FBXW10B: variants seen among roughly 807,000 people sequenced by gnomAD.
The protein encoded by FBXW10B is F-box and WD repeat domain containing 10B.
the FBXW10B span, among the ~76,000 whole-genome samples, chr17:15,569,717 G>A: frequency 9.2e-5 from 14 of 151,716 alleles, no homozygotes; most frequent in Non-Finnish European, 1.5e-4. Context: ...TTACAAGTGC[G>A]AGCCAACACA....
the FBXW10B span, among the ~76,000 whole-genome samples, chr17:15,571,316 G>A: frequency 6.6e-6 from 1 of 151,550 alleles, no homozygotes; most frequent in South Asian, 2.1e-4. Flanking sequence ...CTGCACTCAA[G>A]TCTGGGTGAC....
chr17:15,609,968 T>C, the FBXW10B span, among the ~76,000 whole-genome samples: 1 of 151,290 alleles, frequency 6.6e-6, no homozygotes, highest in African/African-American at 2.4e-5. Context: ...TCAAGTGATT[T>C]TTCTGCCTCA....
At chr17:15,613,287 A>G in the FBXW10B span, among the ~76,000 whole-genome samples, 54 of 149,062 alleles carry the variant, frequency 3.6e-4, no homozygotes, top group African/African-American at 1.4e-3. Flanking sequence ...GCAGAGACAC[A>G]TTTATGGCTT....
At chr17:15,591,942 G>A in the FBXW10B span, among the ~76,000 whole-genome samples, 2 of 152,050 alleles carry the variant, frequency 1.3e-5, no homozygotes, top group Non-Finnish European at 1.5e-5. Context: ...ATGCTCCATA[G>A]ACAAAAGAGC....
chr17:15,596,557 C>T, the FBXW10B span: 2 of 1,611,024 alleles, frequency 1.2e-6, no homozygotes, highest in Non-Finnish European at 1.7e-6. Context: ...TTTCACCAGC[C>T]CTCGCTCACA....
chr17:15,616,595 G>C, the FBXW10B span, among the ~76,000 whole-genome samples: 1 of 152,102 alleles, frequency 6.6e-6, no homozygotes, highest in South Asian at 2.1e-4. Context: ...ACAAGGTCAG[G>C]AGATGGAGAC....
At chr17:15,614,243 T>C in the FBXW10B span, among the ~76,000 whole-genome samples, 22 of 152,108 alleles carry the variant, frequency 1.4e-4, no homozygotes, top group Middle Eastern at 3.4e-3. Flanking sequence ...GGTTGGAGTG[T>C]AGTGGCGCGA....
At chr17:15,607,659 A>G in the FBXW10B span, 1 of 1,613,660 alleles carries the variant, frequency 6.2e-7, no homozygotes, top group Non-Finnish European at 8.5e-7. Flanking sequence ...TCGTTCTGGT[A>G]TGCAGTCCAC....
the FBXW10B span, among the ~76,000 whole-genome samples, chr17:15,602,624 G>T: frequency 1.3e-4 from 10 of 75,344 alleles, no homozygotes; most frequent in Non-Finnish European, 1.7e-4. Context: ...TTGAGACCGA[G>T]TTTTTTTTTT....
At chr17:15,612,125 G>C in the FBXW10B span, among the ~76,000 whole-genome samples, 1 of 152,114 alleles carries the variant, frequency 6.6e-6, no homozygotes, top group Non-Finnish European at 1.5e-5. Context: ...CACAAAACAC[G>C]GCCAGGGGCT....
chr17:15,575,948 A>T, the FBXW10B span, among the ~76,000 whole-genome samples: 1 of 152,148 alleles, frequency 6.6e-6, no homozygotes, highest in Non-Finnish European at 1.5e-5. Flanking sequence ...CTTTCAACAA[A>T]CACATTATGT....
the FBXW10B span, among the ~76,000 whole-genome samples, chr17:15,566,844 G>A: frequency 3.3e-5 from 5 of 151,648 alleles, no homozygotes; most frequent in Admixed American, 2.0e-4. Flanking sequence ...GATTACAGGC[G>A]TGAGCCACCA....
chr17:15,612,742 T>C, the FBXW10B span: 2 of 1,614,162 alleles, frequency 1.2e-6, no homozygotes, highest in Non-Finnish European at 1.7e-6. Flanking sequence ...ACACGCATGC[T>C]CTTCCCGTCA....
At chr17:15,611,502 G>A in the FBXW10B span, among the ~76,000 whole-genome samples, 3 of 152,148 alleles carry the variant, frequency 2.0e-5, no homozygotes, top group African/African-American at 4.8e-5. Context: ...CAGAACTGAT[G>A]AGCAGCTGGC....
the FBXW10B span, among the ~76,000 whole-genome samples, chr17:15,597,083 A>G: frequency 6.6e-6 from 1 of 151,804 alleles, no homozygotes; most frequent in South Asian, 2.1e-4. Flanking sequence ...CTTGGCATAC[A>G]TGTAGTGTTG....
At chr17:15,592,225 T>G in the FBXW10B span, among the ~76,000 whole-genome samples, 1 of 152,028 alleles carries the variant, frequency 6.6e-6, no homozygotes, top group Non-Finnish European at 1.5e-5. Context: ...AAATCCCTTT[T>G]AGACTTCCGT....
chr17:15,612,264 T>C, the FBXW10B span, among the ~76,000 whole-genome samples: 4 of 151,738 alleles, frequency 2.6e-5, no homozygotes, highest in East Asian at 1.9e-4. Flanking sequence ...TCCCAGCACT[T>C]TGGGAGGCCG....
the FBXW10B span, chr17:15,596,766 C>T: frequency 8.6e-6 from 12 of 1,398,004 alleles, no homozygotes; most frequent in African/African-American, 1.6e-5. Flanking sequence ...AAAGACTCAT[C>T]GAGCCCATCA....
chr17:15,611,149 GAGT>G, the FBXW10B span, among the ~76,000 whole-genome samples: 1 of 150,600 alleles, frequency 6.6e-6, no homozygotes, highest in South Asian at 2.1e-4. Flanking sequence ...TCAGCCTCCC[GAGT>G]AGATGGGACT....
Sources: allele counts gnomAD v4.1 joint callset (sites outside exome capture counted in the v4.1 genomes callset), GRCh38; gene constraint gnomAD v4.1.1; transcripts MANE v1.5; gene names NCBI Gene and HGNC (gene_info 2026-07-23, HGNC 2026-07-21).